The following PHKA1 variants were observed in gnomAD, a reference collection of about 807,000 sequenced individuals.
PHKA1 encodes phosphorylase b kinase regulatory subunit alpha, skeletal muscle isoform.
A neutral mutation model predicts 110.2 loss-of-function variants in PHKA1; 60 were observed. That is an observed-to-expected ratio of 0.54 (90% CI 0.44 to 0.68). The LOEUF is 0.68. Ranked by LOEUF, PHKA1 falls within the 30% of genes least tolerant of loss-of-function variation. PHKA1 has a pLI of 0.00. For synonymous variants in PHKA1, 316 were observed against 333.6 expected, an observed-to-expected ratio of 0.95 and a Z score of 0.58; for missense variants, 801 against 942.5, an observed-to-expected ratio of 0.85 and a Z score of 1.97.
chrX:72,613,003 C>T (rs1197128564), intron 21 of PHKA1, among the ~76,000 whole-genome samples: 1 of 111,001 alleles, frequency 9.0e-6, no homozygotes, highest in East Asian at 2.8e-4. Flanking sequence ...TAGCCAACAG[C>T]CAGTATCAAC....
chrX:72,584,846 T>C lies in PHKA1; in HGVS notation c.3244-544A>G, dbSNP rs782406222. 3.1e-3 allele frequency among the ~76,000 whole-genome samples: 329 copies of C among 107,544 alleles called. 1 individual carries two copies. The highest frequency in any genetic ancestry group is 0.011 in the African/African-American group (318 of 29,532). The allele number at this position is 107,544 out of a possible 115,157, so 93.4% of individuals were successfully genotyped here. A position where few individuals can be genotyped will look rare whatever the true frequency, so the allele number is the denominator to read the frequency against. On this transcript the variant is annotated intron_variant, in intron 29 of 31. Transcript: ENST00000373542. ...ATACATGTGCCATGTGGGTGTGCTG[T>C]ACCCGTTAACTCGTCATTTACATTA... is the stretch of plus-strand genomic sequence containing the variant.
rs781866314 is a variant in PHKA1 at position 72,659,841 on chromosome X, T to C, written c.865-2200A>G. ...GCAGACCATACAGCATCTGTTGCAA[T>C]TACTCAGATCTGCTGTTGTACCTTG... On this transcript the variant is annotated intron_variant, in intron 8 of 31. Coordinates refer to ENST00000373542, the MANE Select transcript of PHKA1 (RefSeq NM_002637.4). 9.8e-5 allele frequency among the ~76,000 whole-genome samples: 11 copies of C among 112,362 alleles called. No individual in the cohort carries two copies. The East Asian group carries it at 3.1e-3, about 31-fold the overall frequency.
At chrX:72,676,260 CAT>C (rs376378016) in intron 5 of PHKA1, 110 bp from the exon 6 acceptor site, 22,856 of 364,087 alleles carry the variant, frequency 0.063, no homozygotes, top group East Asian at 0.08. Flanking sequence ...ACTAATTTGC[CAT>C]ATATATATAT....
chrX:72,589,872 G>T (rs2052492173), intron 29 of PHKA1, among the ~76,000 whole-genome samples: 1 of 110,729 alleles, frequency 9.0e-6, no homozygotes, highest in East Asian at 3.0e-4. Context: ...TACAAGGGAT[G>T]TGAAGGACCT....
intron 2 of PHKA1, among the ~76,000 whole-genome samples, chrX:72,709,899 C>T (rs782097492): frequency 5.5e-5 from 6 of 108,949 alleles, no homozygotes; most frequent in South Asian, 4.1e-4. Flanking sequence ...AAAAATTAGC[C>T]GGGTGTGGTG....
intron 16 of PHKA1, among the ~76,000 whole-genome samples, chrX:72,627,722 A>G (rs1417813721): frequency 9.0e-6 from 1 of 111,256 alleles, no homozygotes; most frequent in African/African-American, 3.3e-5. Flanking sequence ...ACACTTACTA[A>G]GTAAATTTAC....
chrX:72,660,562 C>CCA, intron 8 of PHKA1: 1 of 364,246 alleles, frequency 2.7e-6, no homozygotes, highest in Non-Finnish European at 4.8e-6. Flanking sequence ...TTGGTATAGA[C>CCA]TATGTAATAC....
rs782423955 is a variant in PHKA1 at position 72,580,680 on chromosome X, T to C, written c.*322A>G. 3.3e-6 allele frequency: 1 copy of C among 301,160 alleles called. No homozygotes were observed. The highest frequency in any genetic ancestry group is 6.3e-5 in the East Asian group (1 of 15,927). The allele number at this position is 301,160 out of a possible 1,213,427, so 24.8% of individuals were successfully genotyped here. On this transcript the variant is annotated 3_prime_UTR_variant, in exon 32 of 32. Transcript: ENST00000373542. ...GCTCCCCAAACAGGAGTTAGAAAAC[T>C]ATATTGGTAACAGATCTAGAGAATA...
intron 2 of PHKA1, chrX:72,712,117 TTAA>T (rs2054394370): frequency 1.8e-5 from 2 of 112,455 alleles, no homozygotes; most frequent in South Asian, 7.5e-4. Context: ...TATTGTTTTC[TTAA>T]TATTATTTTC....
chrX:72,678,744 T>C (rs2053809001), intron 5 of PHKA1, among the ~76,000 whole-genome samples: 1 of 112,119 alleles, frequency 8.9e-6, no homozygotes, highest in African/African-American at 3.2e-5. Context: ...AAACTATTTA[T>C]AACATAATGG....
chrX:72,689,584 G>A (rs1164296333), intron 4 of PHKA1, among the ~76,000 whole-genome samples: 1 of 111,947 alleles, frequency 8.9e-6, no homozygotes, highest in African/African-American at 3.2e-5. Flanking sequence ...TTGTGCAGAT[G>A]TATCATATTT....
intron 28 of PHKA1, among the ~76,000 whole-genome samples, chrX:72,598,863 C>T (rs961138886): frequency 2.7e-5 from 3 of 110,765 alleles, no homozygotes; most frequent in Non-Finnish European, 5.7e-5. Context: ...ATGCCTAAAT[C>T]ACCAACCAAT....
intron 28 of PHKA1, among the ~76,000 whole-genome samples, chrX:72,596,286 G>A (rs896218116): frequency 1.8e-5 from 2 of 111,220 alleles, no homozygotes; most frequent in Admixed American, 9.6e-5. Flanking sequence ...AGTTGTCAGG[G>A]GCTGGGTAGA....
chrX:72,644,086 G>A, intron 14 of PHKA1, among the ~76,000 whole-genome samples: 1 of 111,174 alleles, frequency 9.0e-6, no homozygotes, highest in African/African-American at 3.3e-5. Flanking sequence ...TCCAAGAAAG[G>A]AGAGAACATG....
intron 17 of PHKA1, among the ~76,000 whole-genome samples, chrX:72,625,567 G>A (rs920953417): frequency 9.0e-6 from 1 of 111,731 alleles, no homozygotes; most frequent in African/African-American, 3.3e-5. Flanking sequence ...GTCTAGTGCT[G>A]TGATGAACAT....
chrX:72,681,164 C>T (rs1477009096), intron 5 of PHKA1, among the ~76,000 whole-genome samples: 4 of 96,458 alleles, frequency 4.1e-5, no homozygotes, highest in Admixed American at 1.1e-4. Context: ...GTGGGGAGCG[C>T]CTCTGCCCCG....
chrX:72,636,912 G>C (rs1487074070), intron 14 of PHKA1, among the ~76,000 whole-genome samples: 8 of 111,247 alleles, frequency 7.2e-5, no homozygotes, highest in Non-Finnish European at 1.3e-4. Flanking sequence ...TTTACTCTTA[G>C]GGGGCTAGCA....
intron 17 of PHKA1, among the ~76,000 whole-genome samples, chrX:72,625,249 C>T (rs1336266347): frequency 4.5e-5 from 5 of 111,611 alleles, no homozygotes; most frequent in Non-Finnish European, 9.4e-5. Flanking sequence ...TCCTCACCTA[C>T]CTCTCGCCCT....
chrX:72,648,707 C>T (rs1175626945), intron 13 of PHKA1, among the ~76,000 whole-genome samples: 17 of 110,996 alleles, frequency 1.5e-4, no homozygotes, highest in African/African-American at 5.3e-4. Context: ...TTTAGATGAA[C>T]AACCATGAGG....
Sources: allele counts gnomAD v4.1 joint callset (sites outside exome capture counted in the v4.1 genomes callset), GRCh38; gene constraint gnomAD v4.1.1; transcripts MANE v1.5; gene names NCBI Gene and HGNC (gene_info 2026-07-23, HGNC 2026-07-21).